TBCA: variants seen among roughly 807,000 people sequenced by gnomAD.
The protein encoded by TBCA is tubulin-specific chaperone A.
A neutral mutation model predicts 15.8 loss-of-function variants in TBCA; 6 were observed. That is an observed-to-expected ratio of 0.38 (90% CI 0.21 to 0.75). TBCA has a LOEUF of 0.75. TBCA is among the 30% of genes least tolerant of loss of function. The pLI, the probability that TBCA is intolerant of heterozygous loss-of-function variation, is 0.46. For synonymous variants in TBCA, 32 were observed against 42.3 expected, an observed-to-expected ratio of 0.76 and a Z score of 0.94; for missense variants, 90 against 131.2, an observed-to-expected ratio of 0.69 and a Z score of 1.53.
In TBCA at chr5:77,691,872, T is replaced by C. The variant is rs1363959091; in HGVS notation, c.247-374A>G. 5.0e-6 allele frequency: 5 copies of C among 999,538 alleles called. No individual in the cohort carries two copies. The East Asian group carries it at 3.3e-4, about 66-fold the overall frequency. 61.9% of individuals were successfully genotyped at this position (999,538 alleles called of 1,614,324 possible). A position where few individuals can be genotyped will look rare whatever the true frequency, so the allele number is the denominator to read the frequency against. ...AAGATTTACTAACATGTTACATATA[T>C]GACAGCATTCAGGCCAAAATAATCC... On this transcript the variant is annotated intron_variant, in intron 3 of 3. Coordinates refer to ENST00000380377, the MANE Select transcript of TBCA (RefSeq NM_004607.3).
chr5:77,705,439 G>A (rs1365455396), intron 2 of TBCA: 1 of 392,520 alleles, frequency 2.5e-6, no homozygotes, highest in Non-Finnish European at 4.5e-6. Flanking sequence ...GAAGACTTAA[G>A]AGTGAAAGAG....
intron 1 of TBCA, among the ~76,000 whole-genome samples, chr5:77,753,837 C>A (rs2112496925): frequency 6.6e-6 from 1 of 152,308 alleles, no homozygotes; most frequent in Admixed American, 6.5e-5. Context: ...TGGTTTACTG[C>A]AACCTCTGCC....
At chr5:77,713,416 G>T (rs541603310) in intron 1 of TBCA, among the ~76,000 whole-genome samples, 1 of 152,200 alleles carries the variant, frequency 6.6e-6, no homozygotes, top group South Asian at 2.1e-4. Context: ...ATACTGAGAT[G>T]ACAGCATATT....
chr5:77,696,235 AC>A (rs1046920919), intron 2 of TBCA, among the ~76,000 whole-genome samples: 36 of 152,302 alleles, frequency 2.4e-4, no homozygotes, highest in African/African-American at 7.2e-4. Context: ...GCTACTGGCT[AC>A]CCTCTGAAAC....
At chr5:77,720,481 A>G (rs1370096220) in intron 1 of TBCA, among the ~76,000 whole-genome samples, 2 of 152,154 alleles carry the variant, frequency 1.3e-5, no homozygotes, top group African/African-American at 4.8e-5. Context: ...TGGGAGGCCG[A>G]GGTGGGTGGA....
chr5:77,719,016 G>A (rs1746469813), intron 1 of TBCA, among the ~76,000 whole-genome samples: 1 of 152,000 alleles, frequency 6.6e-6, no homozygotes, highest in Non-Finnish European at 1.5e-5. Context: ...TGTCTACTTC[G>A]ACAATTAAAA....
intron 2 of TBCA, among the ~76,000 whole-genome samples, chr5:77,699,521 G>C (rs1457627317): frequency 6.6e-6 from 1 of 152,066 alleles, no homozygotes; most frequent in Non-Finnish European, 1.5e-5. Flanking sequence ...TGGAGCAACT[G>C]GACATTGACT....
intron 1 of TBCA, among the ~76,000 whole-genome samples, chr5:77,767,320 T>C (rs1323000737): frequency 1.3e-5 from 2 of 152,168 alleles, no homozygotes; most frequent in Non-Finnish European, 2.9e-5. Flanking sequence ...CAGAACTCCG[T>C]AACTTACTTG....
intron 2 of TBCA, 123 bp downstream of exon 2, chr5:77,708,119 A>T: frequency 1.6e-6 from 1 of 630,346 alleles, no homozygotes; most frequent in Non-Finnish European, 2.6e-6. Context: ...CTTTAAATGG[A>T]AGTTTTAATA....
At chr5:77,749,479 CAT>C (rs1561279645) in intron 1 of TBCA, among the ~76,000 whole-genome samples, 1 of 152,218 alleles carries the variant, frequency 6.6e-6, no homozygotes, top group Non-Finnish European at 1.5e-5. Context: ...AGTGTCTACA[CAT>C]ATTTCATATA....
intron 2 of TBCA, among the ~76,000 whole-genome samples, chr5:77,706,724 A>G (rs182831782): frequency 1.3e-5 from 2 of 151,454 alleles, no homozygotes; most frequent in Admixed American, 1.3e-4. Flanking sequence ...AGGCAGGAAA[A>G]TCAGCTGAGC....
chr5:77,728,210 C>G (rs1746674758), intron 1 of TBCA, among the ~76,000 whole-genome samples: 1 of 152,038 alleles, frequency 6.6e-6, no homozygotes, highest in Admixed American at 6.6e-5. Context: ...ATAAAGGTAG[C>G]AGGCACCTCT....
At chr5:77,704,982 AT>A (rs1053656488) in intron 2 of TBCA, among the ~76,000 whole-genome samples, 12 of 152,198 alleles carry the variant, frequency 7.9e-5, no homozygotes, top group African/African-American at 2.6e-4. Flanking sequence ...CTTTTGAACA[AT>A]TTTTTTTCCC....
intron 1 of TBCA, among the ~76,000 whole-genome samples, chr5:77,775,105 T>C (rs1288455838): frequency 6.6e-6 from 1 of 152,148 alleles, no homozygotes; most frequent in Non-Finnish European, 1.5e-5. Flanking sequence ...TGTAAATTGA[T>C]AGCTTATCTT....
At chr5:77,727,503 A>C (rs919355651) in intron 1 of TBCA, among the ~76,000 whole-genome samples, 21 of 152,224 alleles carry the variant, frequency 1.4e-4, no homozygotes, top group African/African-American at 5.1e-4. Flanking sequence ...CAATACTATA[A>C]GAAGTATAAA....
intron 1 of TBCA, among the ~76,000 whole-genome samples, chr5:77,766,490 A>T (rs1747779838): frequency 6.7e-6 from 1 of 149,874 alleles, no homozygotes; most frequent in Non-Finnish European, 1.5e-5. Flanking sequence ...TAAGTCTCTC[A>T]CTTTTATTTA....
chr5:77,712,186 C>A (rs1039460241), intron 1 of TBCA, among the ~76,000 whole-genome samples: 4 of 152,108 alleles, frequency 2.6e-5, no homozygotes, highest in African/African-American at 9.7e-5. Flanking sequence ...CATCAAATTG[C>A]TTTCCAAAGT....
intron 2 of TBCA, among the ~76,000 whole-genome samples, chr5:77,696,614 G>A (rs1381210122): frequency 6.6e-6 from 1 of 152,100 alleles, no homozygotes; most frequent in Non-Finnish European, 1.5e-5. Context: ...TATATATAAT[G>A]TAAACATTAA....
chr5:77,755,574 A>G (rs1170458785), intron 1 of TBCA, among the ~76,000 whole-genome samples: 1 of 152,112 alleles, frequency 6.6e-6, no homozygotes, highest in African/African-American at 2.4e-5. Context: ...ACTCCATCTC[A>G]AAAAATAAAT....
Sources: gnomAD v4.1 joint callset for allele counts (sites outside exome capture counted in the v4.1 genomes callset) on GRCh38, gnomAD v4.1.1 for gene constraint, MANE v1.5 for transcripts, NCBI Gene and HGNC (gene_info 2026-07-23, HGNC 2026-07-21) for gene names.